The following KCNIP4 variants were observed in gnomAD, a reference collection of about 807,000 sequenced individuals.
KCNIP4 encodes Kv channel-interacting protein 4.
Under a neutral mutation model 34.0 loss-of-function variants are expected in KCNIP4, and 12 were observed. The observed-to-expected ratio is 0.35, with a 90% CI of 0.23 to 0.57. The LOEUF is 0.57. Ranked by LOEUF, KCNIP4 falls within the 20% of genes least tolerant of loss-of-function variation. The pLI is 0.83. For synonymous variants in KCNIP4, 124 were observed against 102.2 expected (o/e 1.21, Z -1.29); for missense variants, 238 against 311.7 (o/e 0.76, Z 1.78).
intron 1 of KCNIP4, among the ~76,000 whole-genome samples, chr4:21,086,094 A>C (rs1181322398): frequency 1.3e-5 from 2 of 152,128 alleles, no homozygotes; most frequent in Non-Finnish European, 2.9e-5. Flanking sequence ...GGAGCAAAAA[A>C]GCTCTAAAAA....
chr4:21,343,211 G>A lies in KCNIP4; in HGVS notation c.62-460502C>T, dbSNP rs148621030. Among the ~76,000 whole-genome samples, 383 of 152,164 alleles carry A rather than the reference G, an allele frequency of 2.5e-3. 1 individual carries two copies. Among genetic ancestry groups the A allele is most frequent in the African/African-American group, 8.9e-3 (369 of 41,524 alleles). On this transcript the variant is annotated intron_variant, in intron 1 of 8. Transcript: ENST00000382152. ...GGCTTAAATAGAAAAAGTTCTGCAG[G>A]TCCAAAGTCAATAAAAATGTACATA...
chr4:21,314,819 A>C (rs1489425639), intron 1 of KCNIP4, among the ~76,000 whole-genome samples: 1 of 152,216 alleles, frequency 6.6e-6, no homozygotes, highest in Non-Finnish European at 1.5e-5. Flanking sequence ...GGCAGAAAGA[A>C]CTATCTAGAA....
chr4:20,779,228 G>C (rs778173309), intron 3 of KCNIP4, among the ~76,000 whole-genome samples: 14 of 152,136 alleles, frequency 9.2e-5, no homozygotes, highest in Admixed American at 3.3e-4. Context: ...TCTGTCCCGT[G>C]AGAAAATGAG....
At chr4:21,848,122 G>A (rs1016001577) in intron 1 of KCNIP4, 1 of 152,104 alleles carries the variant, frequency 6.6e-6, no homozygotes, top group African/African-American at 2.4e-5. Flanking sequence ...CTTCTCAGCA[G>A]CTCAGATATT....
intron 1 of KCNIP4, among the ~76,000 whole-genome samples, chr4:21,870,524 C>T (rs1424799641): frequency 6.6e-6 from 1 of 152,194 alleles, no homozygotes; most frequent in East Asian, 1.9e-4. Context: ...TAAGCAAATG[C>T]TCCAACTGCA....
intron 1 of KCNIP4, among the ~76,000 whole-genome samples, chr4:21,522,956 T>C (rs927076210): frequency 1.3e-5 from 2 of 151,944 alleles, no homozygotes; most frequent in Non-Finnish European, 2.9e-5. Flanking sequence ...TTCAAGCTGA[T>C]GGTGTCAGGA....
chr4:21,439,034 C>T (rs994634413), intron 1 of KCNIP4, among the ~76,000 whole-genome samples: 30 of 151,948 alleles, frequency 2.0e-4, no homozygotes, highest in African/African-American at 7.0e-4. Context: ...TGGCGGCGGG[C>T]GCCTGTAGTC....
At chr4:21,886,735 C>T (rs1020372604) in intron 1 of KCNIP4, among the ~76,000 whole-genome samples, 5 of 152,168 alleles carry the variant, frequency 3.3e-5, no homozygotes, top group African/African-American at 1.2e-4. Context: ...CAGTGATATT[C>T]TCAGTGAAGT....
chr4:21,330,540 G>C (rs1242217874), intron 1 of KCNIP4, among the ~76,000 whole-genome samples: 1 of 152,152 alleles, frequency 6.6e-6, no homozygotes, highest in Non-Finnish European at 1.5e-5. Flanking sequence ...CATTTTGCCA[G>C]TTTACAAGGT....
At chr4:21,551,699 T>C (rs1307293786) in intron 1 of KCNIP4, among the ~76,000 whole-genome samples, 4 of 152,094 alleles carry the variant, frequency 2.6e-5, no homozygotes, top group Non-Finnish European at 5.9e-5. Flanking sequence ...AAATAGCACA[T>C]GTGAAATATC....
chr4:21,143,869 G>A (rs1752156575), intron 1 of KCNIP4, among the ~76,000 whole-genome samples: 1 of 148,456 alleles, frequency 6.7e-6, no homozygotes, highest in Non-Finnish European at 1.5e-5. Flanking sequence ...TGCCCAGCTA[G>A]TTTTTTTTTT....
At chr4:21,213,257 TTTTC>T (rs1361211327) in intron 1 of KCNIP4, among the ~76,000 whole-genome samples, 3 of 151,634 alleles carry the variant, frequency 2.0e-5, no homozygotes, top group East Asian at 2.0e-4. Context: ...TCAGCACTAT[TTTTC>T]TTTCTTTCTT....
chr4:21,176,464 A>G (rs1260918720), intron 1 of KCNIP4, among the ~76,000 whole-genome samples: 1 of 152,196 alleles, frequency 6.6e-6, no homozygotes, highest in East Asian at 1.9e-4. Context: ...CAAGTAAAAA[A>G]ATGGAAAATC....
chr4:21,655,245 T>C (rs1747828927), intron 1 of KCNIP4, among the ~76,000 whole-genome samples: 1 of 152,152 alleles, frequency 6.6e-6, no homozygotes, highest in Non-Finnish European at 1.5e-5. Context: ...CTAGAAGTGC[T>C]GACCATATGC....
At chr4:21,937,765 G>A (rs1187737679) in intron 1 of KCNIP4, among the ~76,000 whole-genome samples, 1 of 151,948 alleles carries the variant, frequency 6.6e-6, no homozygotes, top group Non-Finnish European at 1.5e-5. Flanking sequence ...CTATTTGTCT[G>A]ATGTGTACTC....
intron 1 of KCNIP4, among the ~76,000 whole-genome samples, chr4:21,786,650 C>T (rs1157024471): frequency 1.3e-5 from 2 of 150,144 alleles, no homozygotes; most frequent in Admixed American, 1.3e-4. Flanking sequence ...TCATTGCAAG[C>T]TCCGCCTCCC....
chr4:21,389,765 T>C (rs1418454064), intron 1 of KCNIP4, among the ~76,000 whole-genome samples: 6 of 152,084 alleles, frequency 3.9e-5, no homozygotes, highest in Non-Finnish European at 1.5e-5. Flanking sequence ...TAAACATACG[T>C]GTGCATGTGT....
intron 1 of KCNIP4, among the ~76,000 whole-genome samples, chr4:20,919,417 AGAT>A (rs750529766): frequency 2.0e-5 from 3 of 150,924 alleles, no homozygotes; most frequent in Non-Finnish European, 1.5e-5. Context: ...TAAAAAAAAA[AGAT>A]AGATCGGGCG....
intron 8 of KCNIP4, chr4:20,731,567 C>T (rs1228712526): frequency 1.0e-6 from 1 of 985,252 alleles, no homozygotes; most frequent in Non-Finnish European, 1.2e-6. Flanking sequence ...TACACTAAAA[C>T]AATGACTTTT....
Sources: allele counts gnomAD v4.1 joint callset (sites outside exome capture counted in the v4.1 genomes callset), GRCh38; gene constraint gnomAD v4.1.1; transcripts MANE v1.5; gene names NCBI Gene and HGNC (gene_info 2026-07-23, HGNC 2026-07-21).